The following KLF8 variants were observed in gnomAD, a reference collection of about 807,000 sequenced individuals.
KLF8 encodes the protein Krueppel-like factor 8.
Under a neutral mutation model 18.2 loss-of-function variants are expected in KLF8, and 10 were observed. The ratio of observed to expected loss-of-function variants is 0.55; its 90% CI spans 0.34 to 0.93. The LOEUF is 0.93. Among genes scored for constraint, KLF8 ranks in the 40% least tolerant of loss-of-function variants. The pLI, the probability that KLF8 is intolerant of heterozygous loss-of-function variation, is 0.02. For missense variants in KLF8, 264 were observed against 277.9 expected (o/e 0.95, Z 0.36); for synonymous variants, 109 against 97.3 (o/e 1.12, Z -0.71).
chrX:56,238,156 A>G (rs2066500505), intron 1 of KLF8, among the ~76,000 whole-genome samples: 1 of 111,740 alleles, frequency 8.9e-6, no homozygotes, highest in Non-Finnish European at 1.9e-5. Flanking sequence ...TTGATTGCCA[A>G]TATTTCAAAA....
the KLF8 span, among the ~76,000 whole-genome samples, chrX:56,080,545 A>T: frequency 9.0e-6 from 1 of 111,117 alleles, no homozygotes; most frequent in East Asian, 2.8e-4. Flanking sequence ...CTTCCCTTTG[A>T]GGGTAACCCG....
intron 2 of KLF8, among the ~76,000 whole-genome samples, chrX:56,262,969 CTGTTAT>C (rs2066905045): frequency 8.9e-6 from 1 of 112,231 alleles, no homozygotes; most frequent in Non-Finnish European, 1.9e-5. Context: ...CTATTTCTCA[CTGTTAT>C]TGACAGCAAT....
At chrX:56,011,896 A>T in the KLF8 span, among the ~76,000 whole-genome samples, 8 of 111,708 alleles carry the variant, frequency 7.2e-5, no homozygotes, top group Admixed American at 1.9e-4. Context: ...CCCTCCAAAG[A>T]CTAAAACAGG....
the KLF8 span, among the ~76,000 whole-genome samples, chrX:56,181,125 T>C: frequency 9.0e-6 from 1 of 111,582 alleles, no homozygotes; most frequent in African/African-American, 3.3e-5. Context: ...CTAAGGACTT[T>C]CTTCATGAAT....
chrX:56,081,051 T>C, the KLF8 span, among the ~76,000 whole-genome samples: 3 of 111,162 alleles, frequency 2.7e-5, no homozygotes, highest in Non-Finnish European at 5.7e-5. Context: ...TACATTCTTC[T>C]AAATTTTTTT....
chrX:56,196,315 G>A, the KLF8 span, among the ~76,000 whole-genome samples: 3 of 111,706 alleles, frequency 2.7e-5, no homozygotes, highest in South Asian at 3.8e-4. Context: ...AGACCCATCA[G>A]TGTGCTGTAT....
chrX:56,135,000 T>A, the KLF8 span, among the ~76,000 whole-genome samples: 13,670 of 109,856 alleles, frequency 0.12, 1,547 homozygotes, highest in African/African-American at 0.36. Context: ...AAAATAAAAA[T>A]CAATACCACG....
At chrX:56,093,650 A>T in the KLF8 span, among the ~76,000 whole-genome samples, 1 of 110,996 alleles carries the variant, frequency 9.0e-6, no homozygotes, top group Non-Finnish European at 1.9e-5. Flanking sequence ...AAATACTTAT[A>T]TATTTTTATT....
At chrX:56,275,619 T>C (rs1204077913) in intron 5 of KLF8, among the ~76,000 whole-genome samples, 1 of 112,165 alleles carries the variant, frequency 8.9e-6, no homozygotes, top group Non-Finnish European at 1.9e-5. Flanking sequence ...TTTAGTATGA[T>C]ACTTATGGGT....
chrX:56,269,956 C>T (rs1219355961), intron 4 of KLF8, among the ~76,000 whole-genome samples: 4 of 111,781 alleles, frequency 3.6e-5, no homozygotes, highest in African/African-American at 1.3e-4. Context: ...ACTACCACCT[C>T]CCATGCTTTC....
At chrX:56,108,238 G>A in the KLF8 span, among the ~76,000 whole-genome samples, 1 of 111,777 alleles carries the variant, frequency 8.9e-6, no homozygotes, top group Non-Finnish European at 1.9e-5. Context: ...CCAGTGCAAT[G>A]TTGAATAGCA....
At chrX:56,085,025 A>T in the KLF8 span, among the ~76,000 whole-genome samples, 1 of 111,879 alleles carries the variant, frequency 8.9e-6, no homozygotes, top group Non-Finnish European at 1.9e-5. Flanking sequence ...ATACTTAAGA[A>T]GAAGCCTTTA....
At chrX:56,282,859 G>A (rs2067219278) in intron 5 of KLF8, among the ~76,000 whole-genome samples, 1 of 111,738 alleles carries the variant, frequency 8.9e-6, no homozygotes, top group African/African-American at 3.3e-5. Context: ...AATATTTATT[G>A]TTGCTCATAT....
chrX:56,078,632 G>A, the KLF8 span, among the ~76,000 whole-genome samples: 1 of 111,666 alleles, frequency 9.0e-6, no homozygotes, highest in Non-Finnish European at 1.9e-5. Flanking sequence ...GCCAGGCTTT[G>A]GTATCAGGAT....
the KLF8 span, among the ~76,000 whole-genome samples, chrX:56,182,107 A>T: frequency 9.0e-6 from 1 of 111,522 alleles, no homozygotes; most frequent in African/African-American, 3.3e-5. Context: ...CCAGTCAGAC[A>T]TAGATTTGGT....
At chrX:56,194,031 G>C in the KLF8 span, among the ~76,000 whole-genome samples, 1 of 111,895 alleles carries the variant, frequency 8.9e-6, no homozygotes, top group Admixed American at 9.5e-5. Flanking sequence ...TATTTACCCT[G>C]ATGTGATTAC....
At chrX:56,264,991 T>C (rs989989041) in intron 2 of KLF8, among the ~76,000 whole-genome samples, 189 bp from the exon 3 acceptor site, 1 of 111,972 alleles carries the variant, frequency 8.9e-6, no homozygotes, top group African/African-American at 3.2e-5. Context: ...CCGGATACAG[T>C]ACCTGGTACT....
the KLF8 span, among the ~76,000 whole-genome samples, chrX:56,008,739 A>AT: frequency 8.9e-6 from 1 of 111,854 alleles, no homozygotes; most frequent in Non-Finnish European, 1.9e-5. Context: ...CCAGTCTGCC[A>AT]TTTTTTCCTG....
At chrX:55,961,677 C>A in the KLF8 span, 1 of 408,683 alleles carries the variant, frequency 2.4e-6, no homozygotes, top group Non-Finnish European at 4.6e-6. Flanking sequence ...TCCAAACCAT[C>A]CTGGGGAAAT....
Sources: gnomAD v4.1 joint callset for allele counts (sites outside exome capture counted in the v4.1 genomes callset) on GRCh38, gnomAD v4.1.1 for gene constraint, MANE v1.5 for transcripts, NCBI Gene and HGNC (gene_info 2026-07-23, HGNC 2026-07-21) for gene names.